LAMA4: variants seen among roughly 807,000 people sequenced by gnomAD.
The protein encoded by LAMA4 is laminin subunit alpha 4.
LAMA4 carries 127 observed loss-of-function variants against 207.1 expected under a neutral mutation model. The ratio of observed to expected loss-of-function variants is 0.61; its 90% CI spans 0.53 to 0.71. The LOEUF is 0.71. Among genes scored for constraint, LAMA4 ranks in the 30% least tolerant of loss-of-function variants. LAMA4 has a pLI of 0.00. For synonymous variants in LAMA4, 761 were observed against 816.0 expected, an observed-to-expected ratio of 0.93 and a Z score of 1.15; for missense variants, 2,093 against 2,246.5, an observed-to-expected ratio of 0.93 and a Z score of 1.38.
At chr6:112,226,336 T>G (rs1401986466) in intron 2 of LAMA4, among the ~76,000 whole-genome samples, 1 of 152,200 alleles carries the variant, frequency 6.6e-6, no homozygotes, top group Non-Finnish European at 1.5e-5. Flanking sequence ...AGGATCAACC[T>G]TGGCTCCCTC....
chr6:112,168,066 C>T (rs1207164602), intron 12 of LAMA4, among the ~76,000 whole-genome samples: 1 of 151,760 alleles, frequency 6.6e-6, no homozygotes, highest in African/African-American at 2.4e-5. Context: ...GGCGTGGTGG[C>T]GGGTGCCTGT....
chr6:112,216,339 C>T (rs376896001), intron 3 of LAMA4, 29 bp downstream of exon 3: 34 of 1,385,690 alleles, frequency 2.5e-5, no homozygotes, highest in Non-Finnish European at 3.1e-5. Context: ...CAGTGAAGTA[C>T]GTGAAGTGTT....
intron 18 of LAMA4, among the ~76,000 whole-genome samples, chr6:112,146,289 CA>C (rs139084496): frequency 1.1e-3 from 148 of 129,320 alleles, no homozygotes; most frequent in Middle Eastern, 3.8e-3. Flanking sequence ...GACTATGTCT[CA>C]AAAAAAAAAA....
rs1476722400 is a variant in LAMA4, at chr6:112,183,938, G to A, written c.1077+1299C>T. Among the ~76,000 whole-genome samples the A allele has an allele frequency of 1.1e-4, 13 of 117,774 alleles. No homozygotes were observed. The East Asian group carries it at 1.3e-3, about 12-fold the overall frequency. 77.3% of individuals were successfully genotyped at this position (117,774 alleles called of 152,430 possible). A position where few individuals can be genotyped will look rare whatever the true frequency, so the allele number is the denominator to read the frequency against. On this transcript the variant is annotated intron_variant, in intron 9 of 38. Coordinates refer to ENST00000230538, the MANE Select transcript of LAMA4 (RefSeq NM_001105206.3). ...TGCACTCCAGCCTGGGCAACAAAGC[G>A]AGACTCCATCTCAAAAAAAAAAAAA...
At chr6:112,121,592 A>C (rs925896276) in intron 32 of LAMA4, among the ~76,000 whole-genome samples, 1 of 152,232 alleles carries the variant, frequency 6.6e-6, no homozygotes, top group Non-Finnish European at 1.5e-5. Flanking sequence ...CTGGAGGGTC[A>C]TAGACATACA....
chr6:112,115,372 A>G (rs1412366168), intron 36 of LAMA4, among the ~76,000 whole-genome samples: 1 of 152,198 alleles, frequency 6.6e-6, no homozygotes, highest in African/African-American at 2.4e-5. Flanking sequence ...TTATTTGAAT[A>G]CTTCCATGAA....
intron 22 of LAMA4, among the ~76,000 whole-genome samples, chr6:112,140,351 CT>C (rs1385108438): frequency 3.3e-5 from 5 of 152,210 alleles, no homozygotes; most frequent in Non-Finnish European, 5.9e-5. Context: ...GTCTCACCCC[CT>C]CTCTCATCCC....
intron 5 of LAMA4, among the ~76,000 whole-genome samples, chr6:112,192,948 T>G (rs1232933644): frequency 6.6e-6 from 1 of 152,226 alleles, no homozygotes; most frequent in Non-Finnish European, 1.5e-5. Flanking sequence ...GAAATTTGGA[T>G]GTTTATGTGA....
chr6:112,131,760 C>A (rs1554329871), intron 28 of LAMA4, among the ~76,000 whole-genome samples: 1 of 152,068 alleles, frequency 6.6e-6, no homozygotes, highest in Non-Finnish European at 1.5e-5. Context: ...TAAATTCTCA[C>A]AAATTCTACT....
chr6:112,185,127 C>A lies in LAMA4; in HGVS notation c.1077+110G>T, dbSNP rs1331054891. The stretch of plus-strand genomic sequence containing the variant: ...TTATTTTAAGGCACATGGGTCACTG[C>A]ATTTTTTCTGGGCTGTGTTAAGCCT... On this transcript the variant is annotated intron_variant, in intron 9 of 38. Transcript: ENST00000230538. The A allele has an allele frequency of 2.2e-5, 17 of 787,730 alleles. No homozygotes were observed. In the African/African-American group the frequency reaches 2.7e-4, roughly 13 times the overall value. 48.8% of individuals were successfully genotyped at this position (787,730 alleles called of 1,614,324 possible).
At position 112,205,934 on chromosome 6, in the gene LAMA4, G is replaced by C. The variant is rs141289606; in HGVS notation, c.422+1087C>G. Among the ~76,000 whole-genome samples the C allele has an allele frequency of 3.0e-3, 462 of 152,280 alleles. 2 individuals are homozygous for C. Among genetic ancestry groups the C allele is most frequent in the African/African-American group, 0.01 (427 of 41,554 alleles). On this transcript the variant is annotated intron_variant, in intron 4 of 38. Transcript: ENST00000230538. ...GAGCAACAAGGCTTGGGGGGCTTCCGGTTGGTGACACGTGGAGGTGCTGAG... is the reference window on the plus strand; with the variant it reads ...GAGCAACAAGGCTTGGGGGGCTTCCCGTTGGTGACACGTGGAGGTGCTGAG...
rs201209516 is a variant in LAMA4, at chr6:112,172,607, G to A, written c.1551+4C>T. On this transcript the variant is annotated splice_donor_region_variant and intron_variant, in intron 12 of 38. Transcript: ENST00000230538. ...AATGCATTGATGGTGAGTGTCCGCT[G>A]TACCTCATGGTCCCGCTGCCTGGCT... 1.8e-4 allele frequency: 296 copies of A among 1,612,278 alleles called. 1 individual carries two copies. The highest frequency in any genetic ancestry group is 2.4e-4 in the Non-Finnish European group (279 of 1,179,842).
At chr6:112,182,589 T>C (rs1380089340) in intron 9 of LAMA4, among the ~76,000 whole-genome samples, 6 of 152,202 alleles carry the variant, frequency 3.9e-5, no homozygotes, top group Non-Finnish European at 5.9e-5. Context: ...TGTGGGTCTC[T>C]CTGCATGAGT....
chr6:112,166,356 A>G (rs545897195), intron 12 of LAMA4: 1 of 152,362 alleles, frequency 6.6e-6, no homozygotes, highest in South Asian at 2.1e-4. Context: ...AATATCCATC[A>G]AGCCTAATAC....
intron 36 of LAMA4, among the ~76,000 whole-genome samples, chr6:112,115,230 T>C (rs587652367): frequency 6.6e-6 from 1 of 152,264 alleles, no homozygotes; most frequent in South Asian, 2.1e-4. Context: ...ACCCAACAAA[T>C]AGTAAACACC....
chr6:112,114,034 G>T, intron 38 of LAMA4, 42 bp downstream of exon 38: 1 of 1,611,190 alleles, frequency 6.2e-7, no homozygotes, highest in Non-Finnish European at 8.5e-7. Context: ...TGAGAACTCA[G>T]TTTTTTGGAT....
intron 28 of LAMA4, among the ~76,000 whole-genome samples, chr6:112,132,353 T>C (rs1554330025): frequency 2.0e-5 from 3 of 152,166 alleles, no homozygotes; most frequent in African/African-American, 7.2e-5. Context: ...TCTGTGACAA[T>C]TGTAATGTGA....
chr6:112,152,188 T>A (rs1780442460), intron 16 of LAMA4, among the ~76,000 whole-genome samples: 1 of 152,130 alleles, frequency 6.6e-6, no homozygotes, highest in Non-Finnish European at 1.5e-5. Flanking sequence ...AGTGCTTTCT[T>A]GTTTTCTATT....
chr6:112,129,721 C>G (rs1266532346), intron 30 of LAMA4, among the ~76,000 whole-genome samples, 155 bp downstream of exon 30: 1 of 152,108 alleles, frequency 6.6e-6, no homozygotes, highest in Non-Finnish European at 1.5e-5. Context: ...TACACAGAAA[C>G]CCAAGTATGA....
Sources: gnomAD v4.1 joint callset for allele counts (sites outside exome capture counted in the v4.1 genomes callset) on GRCh38, gnomAD v4.1.1 for gene constraint, MANE v1.5 for transcripts, NCBI Gene and HGNC (gene_info 2026-07-23, HGNC 2026-07-21) for gene names.